IL12RB1: variants seen among roughly 807,000 people sequenced by gnomAD.
IL12RB1 encodes the protein interleukin-12 receptor subunit beta-1.
IL12RB1 carries 64 observed loss-of-function variants against 94.4 expected under a neutral mutation model. That is an observed-to-expected ratio of 0.68 (90% CI 0.55 to 0.83). The LOEUF (loss-of-function observed/expected upper bound fraction) is 0.83. Among genes scored for constraint, IL12RB1 ranks in the 40% least tolerant of loss-of-function variants. The probability of loss-of-function intolerance (pLI) is 0.00; values close to 1 mark genes in which losing one functional copy is unlikely to be tolerated. For missense variants in IL12RB1, 814 were observed against 855.6 expected (o/e 0.95, Z 0.61); for synonymous variants, 362 against 355.5 (o/e 1.02, Z -0.21).
chr19:18,088,183 T>G (rs1183031581), upstream of IL12RB1, among the ~76,000 whole-genome samples: 2 of 151,906 alleles, frequency 1.3e-5, no homozygotes, highest in African/African-American at 4.8e-5. Flanking sequence ...GTCAGGAGTT[T>G]GAGACCAGCC....
At chr19:18,064,987 G>A (rs1599461209) in intron 12 of IL12RB1, among the ~76,000 whole-genome samples, 1 of 152,064 alleles carries the variant, frequency 6.6e-6, no homozygotes, top group Non-Finnish European at 1.5e-5. Flanking sequence ...CCCACAACCC[G>A]GAAGTTACTA....
rs2036824231 is a variant in IL12RB1 at position 18,095,024 on chromosome 19, C to CA, written c.-230+3730dup. Among the ~76,000 whole-genome samples the CA allele has an allele frequency of 3.9e-5, 6 of 152,006 alleles. No individual in the cohort carries two copies. The South Asian group carries it at 1.2e-3, about 32-fold the overall frequency. ...GAAACCCCCGTCTCTACTAAAAATG[C>CA]AAAAATTAGCTGGGAGTGGTGGCGG... On this transcript the variant is annotated intron_variant, in intron 1 of 4. Transcript: ENST00000594176.
At chr19:18,062,767 T>C (rs1311288433) in intron 13 of IL12RB1, among the ~76,000 whole-genome samples, 4 of 151,992 alleles carry the variant, frequency 2.6e-5, no homozygotes, top group African/African-American at 9.7e-5. Flanking sequence ...AGGGAAAATC[T>C]GTCTCAAAAA....
intron 15 of IL12RB1, 114 bp downstream of exon 15, chr19:18,061,008 G>C: frequency 2.8e-6 from 2 of 712,064 alleles, no homozygotes; most frequent in Non-Finnish European, 5.2e-6. Flanking sequence ...TGGAGCACTG[G>C]TTTTGGAGTC....
At chr19:18,069,869 G>A (rs2034891832) in intron 9 of IL12RB1, among the ~76,000 whole-genome samples, 156 bp from the exon 10 acceptor site, 1 of 152,048 alleles carries the variant, frequency 6.6e-6, no homozygotes, top group African/African-American at 2.4e-5. Context: ...TGCACTGGAG[G>A]CTGCCTTGGG....
chr19:18,068,821 TCA>T (rs1388543131), intron 10 of IL12RB1, among the ~76,000 whole-genome samples: 2 of 149,688 alleles, frequency 1.3e-5, no homozygotes, highest in Non-Finnish European at 3.0e-5. Context: ...CAATCTTGAC[TCA>T]CTGCAATCCC....
At chr19:18,068,277 T>C (rs745398503) in intron 11 of IL12RB1, 112 bp downstream of exon 11, 50 of 785,532 alleles carry the variant, frequency 6.4e-5, no homozygotes, top group Non-Finnish European at 8.9e-5. Context: ...CCACCCACCT[T>C]GGCCTCCCAA....
chr19:18,074,684 G>A (rs796241129), intron 7 of IL12RB1, among the ~76,000 whole-genome samples: 14 of 151,936 alleles, frequency 9.2e-5, no homozygotes, highest in African/African-American at 3.4e-4. Context: ...TGAGGCGGAG[G>A]TTGCAGTGAG....
chr19:18,089,391 G>A (rs541168661), upstream of IL12RB1, among the ~76,000 whole-genome samples: 2 of 152,146 alleles, frequency 1.3e-5, no homozygotes, highest in East Asian at 1.9e-4. Flanking sequence ...TTGGGAGGCC[G>A]AGCCAGGTGG....
At chr19:18,086,730 G>A (rs764244559) in intron 1 of IL12RB1, 30 bp downstream of exon 1, 5 of 1,592,942 alleles carry the variant, frequency 3.1e-6, no homozygotes, top group East Asian at 4.6e-5. Context: ...CCAGCAAGAG[G>A]AGCCGCCATG....
At chr19:18,060,552 T>C (rs753415753) in intron 15 of IL12RB1, among the ~76,000 whole-genome samples, 34 of 151,980 alleles carry the variant, frequency 2.2e-4, no homozygotes, top group Admixed American at 2.0e-4. Context: ...AGCACTCCCA[T>C]CTGTCTTTGG....
At chr19:18,085,864 C>T (rs1165247438) in intron 1 of IL12RB1, among the ~76,000 whole-genome samples, 1 of 151,984 alleles carries the variant, frequency 6.6e-6, no homozygotes, top group Non-Finnish European at 1.5e-5. Context: ...CCATCTTGGC[C>T]TCCCATAGTG....
chr19:18,092,670 GAAA>G (rs58773304), intron 1 of IL12RB1, among the ~76,000 whole-genome samples: 74 of 132,202 alleles, frequency 5.6e-4, no homozygotes, highest in East Asian at 6.8e-4. Context: ...AACTCTGTCT[GAAA>G]AAAAAAAAAA....
At chr19:18,068,988 G>C (rs1001793728) in intron 10 of IL12RB1, among the ~76,000 whole-genome samples, 1 of 151,854 alleles carries the variant, frequency 6.6e-6, no homozygotes, top group African/African-American at 2.4e-5. Flanking sequence ...GACCTCTGTT[G>C]ATCCACCTGC....
chr19:18,097,649 G>T (rs1218135730), intron 1 of IL12RB1: 8 of 398,506 alleles, frequency 2.0e-5, no homozygotes, highest in Non-Finnish European at 2.9e-5. Flanking sequence ...CGCCCAGTGG[G>T]GGCGGGGCCC....
intron 10 of IL12RB1, 45 bp from the exon 11 acceptor site, chr19:18,068,571 C>A (rs2034770804): frequency 6.4e-7 from 1 of 1,562,274 alleles, no homozygotes; most frequent in African/African-American, 1.4e-5. Flanking sequence ...GATTGTGTTC[C>A]CACCTCTGCA....
intron 15 of IL12RB1, 87 bp downstream of exon 15, chr19:18,061,035 G>C (rs1050846212): frequency 2.6e-6 from 2 of 765,408 alleles, no homozygotes; most frequent in Non-Finnish European, 4.7e-6. Flanking sequence ...TTGATGAATT[G>C]GGAGAGAATA....
chr19:18,069,755 T>A, intron 9 of IL12RB1, 42 bp from the exon 10 acceptor site: 1 of 1,453,168 alleles, frequency 6.9e-7, no homozygotes, highest in South Asian at 1.1e-5. Context: ...AGTTGCCATC[T>A]CTCTCCCCAG....
At chr19:18,096,119 T>C (rs553715102) in intron 1 of IL12RB1, among the ~76,000 whole-genome samples, 1 of 152,054 alleles carries the variant, frequency 6.6e-6, no homozygotes, top group Admixed American at 6.6e-5. Flanking sequence ...TCCCACCTAC[T>C]CTGGGAGCTG....
Sources: gnomAD v4.1 joint callset for allele counts (sites outside exome capture counted in the v4.1 genomes callset) on GRCh38, gnomAD v4.1.1 for gene constraint, MANE v1.5 for transcripts, NCBI Gene and HGNC (gene_info 2026-07-23, HGNC 2026-07-21) for gene names.